ARHGAP32: variants seen among roughly 807,000 people sequenced by gnomAD.
ARHGAP32 encodes the protein rho GTPase-activating protein 32.
ARHGAP32 carries 51 observed loss-of-function variants against 186.5 expected under a neutral mutation model. The observed-to-expected ratio is 0.27, with a 90% CI of 0.22 to 0.35. The LOEUF is 0.35. ARHGAP32 is among the 10% of genes least tolerant of loss of function. The pLI is 1.00. For missense variants in ARHGAP32, 2,186 were observed against 2,623.5 expected, an observed-to-expected ratio of 0.83 and a Z score of 3.64; for synonymous variants, 950 against 964.3, an observed-to-expected ratio of 0.99 and a Z score of 0.27.
intron 1 of ARHGAP32, among the ~76,000 whole-genome samples, chr11:129,235,943 A>ACACT: frequency 6.9e-6 from 1 of 145,594 alleles, no homozygotes; most frequent in South Asian, 2.2e-4. Context: ...ACACACACTC[A>ACACT]CACACATTTT....
intron 1 of ARHGAP32, among the ~76,000 whole-genome samples, chr11:129,180,440 T>G (rs1944031616): frequency 6.6e-6 from 1 of 152,166 alleles, no homozygotes; most frequent in African/African-American, 2.4e-5. Flanking sequence ...ATATTTTGTA[T>G]AAATTTATCA....
intron 2 of ARHGAP32, among the ~76,000 whole-genome samples, chr11:129,130,383 AAC>A (rs1293625756): frequency 2.0e-5 from 3 of 152,106 alleles, no homozygotes; most frequent in African/African-American, 4.8e-5. Context: ...TCTAAAAATA[AAC>A]ACAATAATAA....
chr11:129,005,419 C>A (rs1308047382), intron 11 of ARHGAP32, among the ~76,000 whole-genome samples: 1 of 152,110 alleles, frequency 6.6e-6, no homozygotes, highest in East Asian at 1.9e-4. Flanking sequence ...TTCCCTTTAG[C>A]ATTTCTTATA....
At chr11:129,165,179 C>A (rs1162676540) in intron 1 of ARHGAP32, among the ~76,000 whole-genome samples, 1 of 152,014 alleles carries the variant, frequency 6.6e-6, no homozygotes, top group African/African-American at 2.4e-5. Context: ...AGAGAAAGAG[C>A]CCAGAAATCT....
chr11:129,240,406 T>C (rs1944999149), intron 1 of ARHGAP32, among the ~76,000 whole-genome samples: 1 of 152,172 alleles, frequency 6.6e-6, no homozygotes, highest in South Asian at 2.1e-4. Context: ...AAATTCTTAC[T>C]GGAATGACCC....
At chr11:129,221,735 G>A (rs1259918885) in intron 1 of ARHGAP32, among the ~76,000 whole-genome samples, 1 of 151,884 alleles carries the variant, frequency 6.6e-6, no homozygotes, top group East Asian at 1.9e-4. Context: ...GTGGGCAAGG[G>A]CAGGAGGTCC....
intron 1 of ARHGAP32, among the ~76,000 whole-genome samples, chr11:129,165,565 A>G (rs1954775): frequency 0.19 from 27,321 of 146,430 alleles, 2,744 homozygotes; most frequent in Non-Finnish European, 0.22. Flanking sequence ...TCTAGTATCC[A>G]GTAAATATTA....
intron 5 of ARHGAP32, among the ~76,000 whole-genome samples, chr11:129,098,573 C>G (rs773477565): frequency 3.7e-4 from 57 of 152,026 alleles, no homozygotes; most frequent in African/African-American, 1.4e-3. Flanking sequence ...GTGCCTGCCA[C>G]CATGCCCAGC....
At chr11:129,253,353 AAG>A (rs1945211111) in intron 1 of ARHGAP32, among the ~76,000 whole-genome samples, 1 of 152,190 alleles carries the variant, frequency 6.6e-6, no homozygotes, top group Non-Finnish European at 1.5e-5. Flanking sequence ...TCCTAGCAAA[AAG>A]AGTGATAGAT....
chr11:129,134,502 A>T (rs1174218570), intron 2 of ARHGAP32, among the ~76,000 whole-genome samples: 1 of 152,228 alleles, frequency 6.6e-6, no homozygotes, highest in Non-Finnish European at 1.5e-5. Flanking sequence ...AAGTAAATAC[A>T]CAAAAATTAA....
Position 128,981,914 on chromosome 11 carries a change from G to T in ARHGAP32, c.1549C>A (p.His517Asn). The change falls in exon 16 of 23, where the codon CAC becomes AAC. Residue 517 changes from histidine (H) to asparagine (N), a missense_variant. By Grantham distance (68) the His-to-Asn change is moderately conservative. Transcript: ENST00000682385. The part of the protein sequence containing the change: ...HYRTLEFLMR[H>N]LSLLADYCSI... ...CAATAGTCAGCTAGAAGAGACAAGT[G>T]TCTCATCAGGAACTCCAGTGTTCTG... 1 of 1,609,632 alleles carries T rather than the reference G, an allele frequency of 6.2e-7. No individual in the cohort carries two copies. The highest frequency in any genetic ancestry group is 8.5e-7 in the Non-Finnish European group (1 of 1,177,468).
chr11:129,092,478 C>T (rs772296821), intron 6 of ARHGAP32, among the ~76,000 whole-genome samples: 1 of 151,844 alleles, frequency 6.6e-6, no homozygotes, highest in Non-Finnish European at 1.5e-5. Context: ...AATTAACTCA[C>T]CAAATGGAAG....
chr11:128,972,711 G>T lies in ARHGAP32; in HGVS notation c.3795C>A (p.Ser1265=). The change falls in exon 22 of 23, where the codon TCC becomes TCA. Residue 1265 remains serine (S), a synonymous_variant. Transcript: ENST00000682385. ...TGGCTGTGCTGGTATTCTCTTCGGG[G>T]GACCCAGAAGGAGGGTAGATTTTAT... The part of the protein sequence containing the change: ...PSDKIYPPSG[S]PEENTSTATM... 1.2e-6 allele frequency: 2 copies of T among 1,614,036 alleles called. No individual in the cohort carries two copies. The highest frequency in any genetic ancestry group is 1.7e-6 in the Non-Finnish European group (2 of 1,180,016).
chr11:129,027,024 G>A (rs970434394), intron 11 of ARHGAP32, among the ~76,000 whole-genome samples: 1 of 150,730 alleles, frequency 6.6e-6, no homozygotes, highest in Non-Finnish European at 1.5e-5. Context: ...TCTTGAACCC[G>A]GGAGGCGGAG....
chr11:128,968,304 T>G lies in ARHGAP32; in HGVS notation c.*603A>C, dbSNP rs1447550456. ...ATGATGACTCTACCAAATGTTTAAT[T>G]TAAAGTCTTAATTTCTTATTTTTAA... is the stretch of plus-strand genomic sequence containing the variant. On this transcript the variant is annotated 3_prime_UTR_variant, in exon 23 of 23. Coordinates refer to ENST00000682385, the MANE Select transcript of ARHGAP32 (RefSeq NM_001378024.1). 1.3e-5 allele frequency: 2 copies of G among 152,150 alleles called. No individual in the cohort carries two copies. The highest frequency in any genetic ancestry group is 4.8e-5 in the African/African-American group (2 of 41,436). 9.4% of individuals were successfully genotyped at this position (152,150 alleles called of 1,614,324 possible). A position where few individuals can be genotyped will look rare whatever the true frequency, so the allele number is the denominator to read the frequency against.
chr11:129,235,162 C>T (rs879042550), intron 1 of ARHGAP32, among the ~76,000 whole-genome samples: 4 of 152,122 alleles, frequency 2.6e-5, no homozygotes, highest in Admixed American at 1.3e-4. Flanking sequence ...ATCTTGATTT[C>T]GGACTTTAGC....
intron 5 of ARHGAP32, among the ~76,000 whole-genome samples, chr11:129,102,892 C>T (rs990777885): frequency 2.0e-5 from 3 of 152,086 alleles, no homozygotes; most frequent in Admixed American, 1.3e-4. Flanking sequence ...CCCCCAAAGA[C>T]AAAACAGAGT....
At chr11:128,984,130 T>C (rs1945794736) in intron 15 of ARHGAP32, among the ~76,000 whole-genome samples, 1 of 152,058 alleles carries the variant, frequency 6.6e-6, no homozygotes, top group South Asian at 2.1e-4. Flanking sequence ...TCCCAGCACT[T>C]TGGGATGCTG....
chr11:129,256,008 G>A (rs558392256), intron 1 of ARHGAP32, among the ~76,000 whole-genome samples: 7 of 152,076 alleles, frequency 4.6e-5, no homozygotes, highest in African/African-American at 1.4e-4. Context: ...ATACAGCAAT[G>A]AGAATGTATA....
Sources: allele counts gnomAD v4.1 joint callset (sites outside exome capture counted in the v4.1 genomes callset), GRCh38; gene constraint gnomAD v4.1.1; transcripts MANE v1.5; gene names NCBI Gene and HGNC (gene_info 2026-07-23, HGNC 2026-07-21).